PCDHGA10: variants seen among roughly 807,000 people sequenced by gnomAD.
PCDHGA10 encodes protocadherin gamma subfamily A, 10.
Under a neutral mutation model 59.5 loss-of-function variants are expected in PCDHGA10, and 42 were observed. The observed-to-expected ratio is 0.71, with a 90% CI of 0.55 to 0.91. The LOEUF is 0.91. PCDHGA10 is among the 40% of genes least tolerant of loss of function. PCDHGA10 has a pLI of 0.00. For synonymous variants in PCDHGA10, 511 were observed against 517.2 expected (o/e 0.99, Z 0.16); for missense variants, 1,111 against 1,198.2 (o/e 0.93, Z 1.07).
chr5:141,465,918 C>T lies in PCDHGA10; in HGVS notation c.2437-28889C>T, dbSNP rs34980831. On this transcript the variant is annotated intron_variant, in intron 1 of 3. Transcript: ENST00000398610. ...CGGGCAAATCACGAGGTCAGGATTT[C>T]GAGTCCATCCTGGCTAACATGGTGA... 2.0e-3 allele frequency among the ~76,000 whole-genome samples: 307 copies of T among 152,144 alleles called. 1 individual carries two copies. Among genetic ancestry groups the T allele is most frequent in the Middle Eastern group, 0.01 (3 of 294 alleles).
Position 141,419,681 on chromosome 5 carries a change from G to A in PCDHGA10, c.2436+4070G>A, listed in dbSNP as rs377117997. ...GCACAATGCCTGGCTGTCCTACCACGTGGTGCAGGCCAGTGAGCCCGGGCT... is the reference window on the plus strand; with the variant it reads ...GCACAATGCCTGGCTGTCCTACCACATGGTGCAGGCCAGTGAGCCCGGGCT... On this transcript the variant is annotated intron_variant, in intron 1 of 3. Coordinates refer to ENST00000398610, the MANE Select transcript of PCDHGA10 (RefSeq NM_018913.3). 76 of 1,612,904 alleles carry A rather than the reference G, an allele frequency of 4.7e-5. No homozygotes were observed. The highest frequency in any genetic ancestry group is 5.7e-5 in the Non-Finnish European group (67 of 1,179,706).
At chr5:141,420,052 C>T (rs535784301) in intron 1 of PCDHGA10, 1 of 1,614,070 alleles carries the variant, frequency 6.2e-7, no homozygotes, top group South Asian at 1.1e-5. Flanking sequence ...AGTCAGTTCT[C>T]TGCTCCAAGT....
chr5:141,495,005 C>CG (rs2099758180), intron 2 of PCDHGA10, 140 bp downstream of exon 2: 6 of 1,522,802 alleles, frequency 3.9e-6, no homozygotes, highest in Admixed American at 2.0e-5. Context: ...TCTTGGTGTG[C>CG]GGGGGGCTGG....
chr5:141,478,604 T>C (rs1425759709), intron 1 of PCDHGA10: 2 of 1,562,580 alleles, frequency 1.3e-6, no homozygotes, highest in South Asian at 2.3e-5. Context: ...CTACATCATA[T>C]TGAGGAAGGA....
chr5:141,466,518 T>C (rs1430823209), intron 1 of PCDHGA10, among the ~76,000 whole-genome samples: 2 of 152,222 alleles, frequency 1.3e-5, no homozygotes, highest in Admixed American at 6.5e-5. Flanking sequence ...TCATTTTTTT[T>C]CCTCCCAAAT....
intron 1 of PCDHGA10, chr5:141,423,081 C>A: frequency 6.2e-7 from 1 of 1,614,084 alleles, no homozygotes; most frequent in South Asian, 1.1e-5. Context: ...CGGGACTCTT[C>A]GCGGTGGGGG....
Position 141,476,934 on chromosome 5 carries a change from A to G in PCDHGA10, c.2437-17873A>G, listed in dbSNP as rs199685528. On this transcript the variant is annotated intron_variant, in intron 1 of 3. Transcript: ENST00000398610. The surrounding 1 kb of genome is among the most constrained non-coding windows in gnomAD (Gnocchi z 7.6). ...CAAGTCCTTGCAACGGATCTGGATG[A>G]AGGCCCCAACGGTGAAATTATTTAC... 255 of 1,614,164 alleles carry G rather than the reference A, an allele frequency of 1.6e-4. 3 individuals carry two copies. In the South Asian group the frequency reaches 2.6e-3, roughly 16 times the overall value.
intron 3 of PCDHGA10, among the ~76,000 whole-genome samples, chr5:141,506,138 G>T (rs983643755): frequency 6.6e-6 from 1 of 152,134 alleles, no homozygotes; most frequent in African/African-American, 2.4e-5. Flanking sequence ...AGGAGAAGAA[G>T]AATATCATTT....
Position 141,415,006 on chromosome 5 carries a change from C to T in PCDHGA10, c.1831C>T (p.Arg611Cys), listed in dbSNP as rs1353721901. The change falls in exon 1 of 4, where the codon CGT becomes TGT. Residue 611 changes from arginine to cysteine, a missense_variant. Transcript: ENST00000398610. The part of the protein sequence containing the change: ...DSGQNAWLSY[R>C]LLKASEPGLF... ...CGGCCAGAACGCCTGGCTGTCCTAC[C>T]GTCTGCTCAAGGCCAGCGAGCCGGG... is the stretch of plus-strand genomic sequence containing the variant. 1.2e-6 allele frequency: 2 copies of T among 1,613,652 alleles called. No individual in the cohort carries two copies. Among genetic ancestry groups the T allele is most frequent in the Non-Finnish European group, 8.5e-7 (1 of 1,180,026 alleles).
intron 1 of PCDHGA10, among the ~76,000 whole-genome samples, chr5:141,453,217 G>A (rs770914741): frequency 1.2e-4 from 19 of 152,100 alleles, no homozygotes; most frequent in Admixed American, 1.0e-3. Context: ...GCACTTAAGC[G>A]ATCCTCCCAC....
intron 1 of PCDHGA10, chr5:141,430,828 G>C (rs760402028): frequency 1.3e-6 from 2 of 1,554,030 alleles, no homozygotes; most frequent in East Asian, 2.2e-5. Context: ...TGGGGACTCT[G>C]TGGGAGACCG....
At chr5:141,426,096 T>C (rs1296875718) in intron 1 of PCDHGA10, among the ~76,000 whole-genome samples, 6 of 152,230 alleles carry the variant, frequency 3.9e-5, no homozygotes, top group Non-Finnish European at 8.8e-5. Flanking sequence ...GATATTCTGT[T>C]CAGTCACAGA....
chr5:141,434,481 A>G (rs2097697198), intron 1 of PCDHGA10, among the ~76,000 whole-genome samples: 1 of 152,246 alleles, frequency 6.6e-6, no homozygotes, highest in Non-Finnish European at 1.5e-5. Context: ...GGCAAGGAAC[A>G]CCTGGCCCGC....
chr5:141,435,686 T>C (rs2097774326), intron 1 of PCDHGA10, among the ~76,000 whole-genome samples: 1 of 152,340 alleles, frequency 6.6e-6, no homozygotes, highest in Non-Finnish European at 1.5e-5. Flanking sequence ...GAGAACTTTA[T>C]GCTTATTGTA....
intron 1 of PCDHGA10, chr5:141,428,236 G>T: frequency 5.8e-6 from 6 of 1,027,096 alleles, no homozygotes; most frequent in Non-Finnish European, 8.9e-6. Flanking sequence ...CAGCCTGCAG[G>T]AGGCACTGCC....
chr5:141,505,377 C>G lies in PCDHGA10; in HGVS notation c.2496-16C>G, dbSNP rs1368451336. 1.9e-6 allele frequency: 3 copies of G among 1,614,036 alleles called. No homozygotes were observed. In the East Asian group the frequency reaches 6.7e-5, roughly 36 times the overall value. On this transcript the variant is annotated splice_polypyrimidine_tract_variant and intron_variant, in intron 2 of 3. Coordinates refer to ENST00000398610, the MANE Select transcript of PCDHGA10 (RefSeq NM_018913.3). Reference sequence around the variant, plus strand: ...CGGCCTGGGAGTCTGTGCTCACCATCCTACTCTCTCCCCAGCTCCCAAAAT... The same window carrying G: ...CGGCCTGGGAGTCTGTGCTCACCATGCTACTCTCTCCCCAGCTCCCAAAAT...
At chr5:141,472,046 A>T (rs945911971) in intron 1 of PCDHGA10, among the ~76,000 whole-genome samples, 4 of 152,210 alleles carry the variant, frequency 2.6e-5, no homozygotes, top group Non-Finnish European at 4.4e-5. Context: ...AAAAGATTTT[A>T]AAAATGATTG....
At position 141,414,356 on chromosome 5, in the gene PCDHGA10, T is replaced by C; in HGVS notation, c.1181T>C (p.Leu394Pro). Residue 394 changes from leucine (L) to proline (P), a missense_variant, in exon 1 of 4, where the codon CTA becomes CCA. Transcript: ENST00000398610. ...GTAACCTGTTCCATTTTGGCGTATC[T>C]ACCATTTAAATTAGAAAAGTCCATT... ...GQVTCSILAY[L>P]PFKLEKSIDS... The C allele has an allele frequency of 6.2e-7, 1 of 1,613,950 alleles. No homozygotes were observed. The highest frequency in any genetic ancestry group is 8.5e-7 in the Non-Finnish European group (1 of 1,179,888).
chr5:141,418,339 T>G (rs779598961), intron 1 of PCDHGA10: 2 of 1,614,012 alleles, frequency 1.2e-6, no homozygotes, highest in Non-Finnish European at 1.7e-6. Context: ...CAGAAGATCC[T>G]GATATTAGTA....
Sources: gnomAD v4.1 joint callset for allele counts (sites outside exome capture counted in the v4.1 genomes callset) on GRCh38, gnomAD v4.1.1 for gene constraint, Gnocchi (gnomAD v3.1) non-coding constraint, MANE v1.5 for transcripts, NCBI Gene and HGNC (gene_info 2026-07-23, HGNC 2026-07-21) for gene names.